The following CCDC125 variants were observed in gnomAD, a reference collection of about 807,000 sequenced individuals.
CCDC125 encodes the protein coiled-coil domain containing 125.
A neutral mutation model predicts 57.4 loss-of-function variants in CCDC125; 43 were observed. The observed-to-expected ratio is 0.75, with a 90% CI of 0.59 to 0.97. The LOEUF is 0.97. Among genes scored for constraint, CCDC125 ranks in the 50% least tolerant of loss-of-function variants. CCDC125 has a pLI of 0.00. For synonymous variants in CCDC125, 187 were observed against 195.2 expected, an observed-to-expected ratio of 0.96 and a Z score of 0.35; for missense variants, 563 against 595.7, an observed-to-expected ratio of 0.95 and a Z score of 0.57.
intron 2 of CCDC125, 84 bp downstream of exon 2, chr5:69,320,153 G>T: frequency 8.1e-7 from 1 of 1,239,108 alleles, no homozygotes; most frequent in Non-Finnish European, 1.1e-6. Flanking sequence ...ATCCAATATG[G>T]TTATTTATTT....
At chr5:69,273,135 TA>T in the CCDC125 span, 2 of 881,572 alleles carry the variant, frequency 2.3e-6, no homozygotes, top group Non-Finnish European at 3.3e-6. Context: ...TAACATTTTT[TA>T]AATACTGGAA....
chr5:69,293,871 G>A (rs1306489536), intron 9 of CCDC125, among the ~76,000 whole-genome samples: 1 of 152,100 alleles, frequency 6.6e-6, no homozygotes, highest in South Asian at 2.1e-4. Context: ...TGTAAGTAAA[G>A]ACCAAATATA....
chr5:69,303,631 C>T (rs1027618335), intron 7 of CCDC125, among the ~76,000 whole-genome samples: 1 of 152,078 alleles, frequency 6.6e-6, no homozygotes, highest in East Asian at 1.9e-4. Flanking sequence ...TCCCAAAGTG[C>T]TGGGATTACA....
At chr5:69,286,534 A>G (rs1753515869) in intron 10 of CCDC125, among the ~76,000 whole-genome samples, 1 of 151,732 alleles carries the variant, frequency 6.6e-6, no homozygotes, top group Admixed American at 6.6e-5. Context: ...CGCCCGGCCA[A>G]CTTTAGATAT....
chr5:69,285,798 AGT>A (rs1753245464), intron 10 of CCDC125, among the ~76,000 whole-genome samples: 1 of 152,178 alleles, frequency 6.6e-6, no homozygotes, highest in South Asian at 2.1e-4. Flanking sequence ...GTCAGCCACT[AGT>A]CTTATTGTTT....
chr5:69,313,346 C>T, intron 3 of CCDC125: 2 of 1,146,286 alleles, frequency 1.7e-6, no homozygotes, highest in South Asian at 2.6e-5. Context: ...CTGCCAGATG[C>T]TCTAGGCAGG....
intron 1 of CCDC125, among the ~76,000 whole-genome samples, chr5:69,324,484 A>C (rs1344089548): frequency 6.6e-6 from 1 of 152,246 alleles, no homozygotes; most frequent in East Asian, 1.9e-4. Flanking sequence ...ACTCAAGAGA[A>C]ACAGAACCCC....
chr5:69,285,413 A>G lies in CCDC125; in HGVS notation c.1154T>C (p.Leu385Pro), dbSNP rs745622102. Reference sequence around the variant, plus strand: ...CCTCTTAGAACTGTTTTCTGAAGGGAGCATACCCAACAGTCTCTGCCCGAA... The same window carrying G: ...CCTCTTAGAACTGTTTTCTGAAGGGGGCATACCCAACAGTCTCTGCCCGAA... ...KTFGQRLLGM[L>P]PSENSSKRME... Residue 385 changes from leucine (L) to proline (P), a missense_variant, in exon 11 of 12, where the codon CTC becomes CCC. Physicochemically the swap from Leu to Pro is moderately conservative, Grantham distance 98 (BLOSUM62 -3). Transcript: ENST00000396496. 2 of 1,610,906 alleles carry G rather than the reference A, an allele frequency of 1.2e-6. No individual in the cohort carries two copies. The highest frequency in any genetic ancestry group is 1.7e-6 in the Non-Finnish European group (2 of 1,178,802).
At chr5:69,310,975 A>T (rs1758035030) in intron 4 of CCDC125, 143 bp downstream of exon 4, 2 of 479,152 alleles carry the variant, frequency 4.2e-6, no homozygotes, top group Non-Finnish European at 7.5e-6. Context: ...AGGATATATA[A>T]ATTATAAAGC....
downstream of CCDC125, chr5:69,276,392 T>C: frequency 6.0e-6 from 4 of 671,260 alleles, no homozygotes; most frequent in Non-Finnish European, 7.8e-6. Context: ...GTAATTTCCA[T>C]TTGCAAATAC....
At chr5:69,327,395 A>G (rs904018148) in intron 1 of CCDC125, among the ~76,000 whole-genome samples, 2 of 152,104 alleles carry the variant, frequency 1.3e-5, no homozygotes, top group Non-Finnish European at 2.9e-5. Flanking sequence ...CGCCTGGCCT[A>G]TTCTCCCACT....
In CCDC125 at chr5:69,303,840, T is replaced by G; in HGVS notation, c.700+7A>C. The G allele has an allele frequency of 6.5e-7, 1 of 1,536,658 alleles. No individual in the cohort carries two copies. The highest frequency in any genetic ancestry group is 8.9e-7 in the Non-Finnish European group (1 of 1,118,850). ...ACATGTGCTCTTAATACAAAAATCA[T>G]CATTACCTGCATTGTCAGACTTCAG... is the stretch of plus-strand genomic sequence containing the variant. On this transcript the variant is annotated splice_region_variant and intron_variant, in intron 7 of 11. Transcript: ENST00000396496.
At chr5:69,304,716 C>T (rs1186461879) in intron 6 of CCDC125, among the ~76,000 whole-genome samples, 1 of 152,132 alleles carries the variant, frequency 6.6e-6, no homozygotes, top group East Asian at 1.9e-4. Context: ...TGAGCCACTG[C>T]GCCTGGACTA....
At chr5:69,304,063 C>T (rs1487697240) in intron 6 of CCDC125, 134 bp from the exon 7 acceptor site, 5 of 543,512 alleles carry the variant, frequency 9.2e-6, no homozygotes, top group East Asian at 3.2e-5. Flanking sequence ...GGAATTTACA[C>T]GTATCACAAA....
chr5:69,287,161 C>T (rs1945427129), intron 10 of CCDC125, among the ~76,000 whole-genome samples: 1 of 151,846 alleles, frequency 6.6e-6, no homozygotes, highest in Non-Finnish European at 1.5e-5. Flanking sequence ...CTTAAGATTA[C>T]TGAAATATAC....
At position 69,292,236 on chromosome 5, in the gene CCDC125, G is replaced by A; in HGVS notation, c.1051C>T (p.His351Tyr). The change falls in exon 10 of 12, where the codon CAT becomes TAT. Residue 351 changes from histidine to tyrosine, a missense_variant. Transcript: ENST00000396496. ...ALQLTQMDKM[H>Y]KKATKWMNWK... The stretch of plus-strand genomic sequence containing the variant: ...TTCATCCATTTTGTTGCTTTTTTAT[G>A]CATTTTATCCATTTGTGTCAATTGT... 6.2e-7 allele frequency: 1 copy of A among 1,613,054 alleles called. No homozygotes were observed. The highest frequency in any genetic ancestry group is 1.1e-5 in the South Asian group (1 of 90,882).
chr5:69,303,752 T>G, intron 7 of CCDC125, 95 bp downstream of exon 7: 2 of 677,978 alleles, frequency 2.9e-6, no homozygotes, highest in Non-Finnish European at 4.9e-6. Flanking sequence ...AATGATACAT[T>G]TCTCCCCTCT....
Position 69,292,359 on chromosome 5 carries a change from C to A in CCDC125, c.928G>T (p.Glu310Ter). 1 of 1,610,450 alleles carries A rather than the reference C, an allele frequency of 6.2e-7. No homozygotes were observed. Among genetic ancestry groups the A allele is most frequent in the Non-Finnish European group, 8.5e-7 (1 of 1,178,818 alleles). ...TCTTCTTTACTCTTCTGCAAAATTT[C>A]CAACTGATTTTGAAAGACAGTTTGG... Reference protein sequence around the residue: ...KLLLQLKQELEILQKSKEEAY... With the variant: ...KLLLQLKQEL The change falls in exon 10 of 12, where the codon GAA (glutamate) becomes TAA (stop). Residue 310 changes from glutamate (E) to a stop codon, truncating the protein, a stop_gained. Transcript: ENST00000396496. LOFTEE classifies it high-confidence loss of function.
At chr5:69,324,917 G>T (rs140619301) in intron 1 of CCDC125, among the ~76,000 whole-genome samples, 1 of 152,178 alleles carries the variant, frequency 6.6e-6, no homozygotes, top group Non-Finnish European at 1.5e-5. Context: ...AACACACAAT[G>T]ATGGTAAACA....
Sources: gnomAD v4.1 joint callset for allele counts (sites outside exome capture counted in the v4.1 genomes callset) on GRCh38, gnomAD v4.1.1 for gene constraint, MANE v1.5 for transcripts, NCBI Gene and HGNC (gene_info 2026-07-23, HGNC 2026-07-21) for gene names.